Variants in DGAT2 observed in about 807,000 individuals in gnomAD.
DGAT2 encodes the protein diacylglycerol O-acyltransferase 2.
A neutral mutation model predicts 48.4 loss-of-function variants in DGAT2; 33 were observed. That is an observed-to-expected ratio of 0.68 (90% confidence interval 0.52 to 0.91). The LOEUF is 0.91. DGAT2 is among the 40% of genes least tolerant of loss of function. DGAT2 has a pLI of 0.00. For synonymous variants in DGAT2, 191 were observed against 194.1 expected (o/e 0.98, Z 0.13); for missense variants, 446 against 493.7 (o/e 0.90, Z 0.92).
rs149770132 is a variant in DGAT2, at chr11:75,797,346, TAC to T, written c.809+27_809+28del. 2,573 of 1,389,616 alleles carry T rather than the reference TAC, an allele frequency of 1.9e-3. No individual in the cohort carries two copies. The highest frequency in any genetic ancestry group is 5.9e-3 in the South Asian group (383 of 64,852). 86.1% of individuals were successfully genotyped at this position (1,389,616 alleles called of 1,614,324 possible). ...CCTGCGTCATGGGTGAGTGCCTCCC[TAC>T]ACACACACACACCCCTCCAGTGCCC... On this transcript the variant is annotated intron_variant, in intron 6 of 7. Coordinates refer to ENST00000228027, the MANE Select transcript of DGAT2 (RefSeq NM_032564.5).
At chr11:75,769,806 C>T (rs551548696) in intron 1 of DGAT2, among the ~76,000 whole-genome samples, 4 of 152,132 alleles carry the variant, frequency 2.6e-5, no homozygotes, top group African/African-American at 9.6e-5. Flanking sequence ...TTAGCTGATG[C>T]CTTGACCCCT....
At position 75,790,237 on chromosome 11, in the gene DGAT2, G is replaced by T; in HGVS notation, c.300G>T (p.Trp100Cys). ...TGTACATATTCTGCACTGATTGCTG[G>T]CTCATCGCTGTGCTCTACTTCACTT... ...ILMYIFCTDC[W>C]LIAVLYFTWL... The change falls in exon 3 of 8, where the codon TGG becomes TGT. Residue 100 changes from tryptophan to cysteine, a missense_variant. Coordinates refer to ENST00000228027, the MANE Select transcript of DGAT2 (RefSeq NM_032564.5). The T allele has an allele frequency of 1.2e-6, 2 of 1,614,148 alleles. No individual in the cohort carries two copies. Among genetic ancestry groups the T allele is most frequent in the Non-Finnish European group, 1.7e-6 (2 of 1,180,032 alleles).
rs539976120 is a variant in DGAT2, at chr11:75,768,838, G to C, written c.-154G>C. ...TTCTCTCGCGCCACCACTGGCCGCC[G>C]GCCGCAGCTCCAGGTGTCCTAGCCG... On this transcript the variant is annotated 5_prime_UTR_variant, in exon 1 of 8. Coordinates refer to ENST00000228027, the MANE Select transcript of DGAT2 (RefSeq NM_032564.5). 12 of 1,011,048 alleles carry C rather than the reference G, an allele frequency of 1.2e-5. No individual in the cohort carries two copies. In the East Asian group the frequency reaches 3.6e-4, roughly 30 times the overall value. The allele number at this position is 1,011,048 out of a possible 1,614,324, so 62.6% of individuals were successfully genotyped here.
intron 1 of DGAT2, among the ~76,000 whole-genome samples, chr11:75,775,054 A>G (rs1944791752): frequency 6.6e-6 from 1 of 152,192 alleles, no homozygotes; most frequent in South Asian, 2.1e-4. Flanking sequence ...GAATACACAA[A>G]AACCCAGGTG....
chr11:75,798,303 G>A lies in DGAT2; in HGVS notation c.886G>A (p.Gly296Ser). The A allele has an allele frequency of 6.2e-7, 1 of 1,614,192 alleles. No individual in the cohort carries two copies. The highest frequency in any genetic ancestry group is 8.5e-7 in the Non-Finnish European group (1 of 1,180,032). The change falls in exon 7 of 8, where the codon GGC (glycine) becomes AGC (serine). Residue 296 changes from glycine to serine, a missense_variant. By Grantham distance (56) the Gly-to-Ser change is moderately conservative. Coordinates refer to ENST00000228027, the MANE Select transcript of DGAT2 (RefSeq NM_032564.5). ...GGTGATCTTCGAGGAGGGCTCCTGGGGCCGATGGGTCCAGAAGAAGTTCCA... is the reference window on the plus strand; with the variant it reads ...GGTGATCTTCGAGGAGGGCTCCTGGAGCCGATGGGTCCAGAAGAAGTTCCA... ...KQVIFEEGSW[G>S]RWVQKKFQKY...
At chr11:75,785,063 CA>C (rs994112638) in intron 2 of DGAT2, among the ~76,000 whole-genome samples, 19 of 152,158 alleles carry the variant, frequency 1.2e-4, no homozygotes, top group African/African-American at 4.6e-4. Context: ...ACAGGACCCC[CA>C]AAGCCTGTGC....
intron 1 of DGAT2, among the ~76,000 whole-genome samples, chr11:75,772,364 C>T (rs1368467969): frequency 1.3e-5 from 2 of 152,226 alleles, no homozygotes; most frequent in African/African-American, 4.8e-5. Context: ...ACAGCCTCCA[C>T]TGCCATCACG....
At chr11:75,781,634 G>A (rs945364669) in intron 1 of DGAT2, among the ~76,000 whole-genome samples, 5 of 152,234 alleles carry the variant, frequency 3.3e-5, no homozygotes, top group African/African-American at 4.8e-5. Flanking sequence ...CAGGCAGATG[G>A]GAAGTGAGGG....
chr11:75,776,905 TA>T (rs1565313848), intron 1 of DGAT2: 1 of 152,280 alleles, frequency 6.6e-6, no homozygotes, highest in Non-Finnish European at 1.5e-5. Flanking sequence ...AAGAGCCTGC[TA>T]GGGGTCAATA....
intron 7 of DGAT2, among the ~76,000 whole-genome samples, chr11:75,799,857 A>G (rs528904911): frequency 5.3e-5 from 8 of 152,074 alleles, no homozygotes; most frequent in Non-Finnish European, 1.0e-4. Flanking sequence ...AGCTCAAGCA[A>G]TCTGCGGGTC....
chr11:75,784,766 G>C lies in DGAT2; in HGVS notation c.250+20G>C. 1 of 1,613,784 alleles carries C rather than the reference G, an allele frequency of 6.2e-7. No homozygotes were observed. Among genetic ancestry groups the C allele is most frequent in the Non-Finnish European group, 8.5e-7 (1 of 1,179,784 alleles). ...TACTGGGTAAGCTGGGCCTTAGAGG[G>C]AGGGCAGGTGGGCAGGCAGTGTCCA... On this transcript the variant is annotated intron_variant, in intron 2 of 7. Transcript: ENST00000228027.
chr11:75,782,854 C>T (rs1205666741), intron 1 of DGAT2, among the ~76,000 whole-genome samples: 2 of 152,202 alleles, frequency 1.3e-5, no homozygotes, highest in South Asian at 2.1e-4. Context: ...CTGGCTCTGC[C>T]GCCTACTGCC....
At chr11:75,783,174 C>CCCTGCAA (rs1944886128) in intron 1 of DGAT2, among the ~76,000 whole-genome samples, 1 of 152,204 alleles carries the variant, frequency 6.6e-6, no homozygotes, top group Non-Finnish European at 1.5e-5. Flanking sequence ...AATTTGTGCA[C>CCCTGCAA]TGAGGATGTG....
chr11:75,791,804 C>T (rs1944993084), intron 4 of DGAT2, among the ~76,000 whole-genome samples: 1 of 152,178 alleles, frequency 6.6e-6, no homozygotes, highest in Admixed American at 6.5e-5. Flanking sequence ...GCTCCCTGTC[C>T]AGTGCAGGGC....
chr11:75,797,184 A>G lies in DGAT2; in HGVS notation c.661A>G (p.Ile221Val), dbSNP rs527280955. 1.4e-5 allele frequency: 22 copies of G among 1,540,374 alleles called. 1 individual carries two copies. The South Asian group carries it at 1.7e-4, about 12-fold the overall frequency. ...TATCTGCCCTGTCAGCCGGGACACCATAGACTATTTGCTTTCAAAGAATGG... is the reference window on the plus strand; with the variant it reads ...TATCTGCCCTGTCAGCCGGGACACCGTAGACTATTTGCTTTCAAAGAATGG... ...GGICPVSRDT[I>V]DYLLSKNGSG... is the part of the protein sequence containing the mutation. The change falls in exon 6 of 8, where the codon ATA (isoleucine) becomes GTA (valine). Residue 221 changes from isoleucine to valine, a missense_variant. Transcript: ENST00000228027.
At chr11:75,797,818 G>A (rs561758230) in intron 6 of DGAT2, among the ~76,000 whole-genome samples, 8 of 152,304 alleles carry the variant, frequency 5.3e-5, no homozygotes, top group South Asian at 2.1e-4. Context: ...CACCAAGGGT[G>A]GGGGAGGGTA....
chr11:75,794,502 T>C (rs1945026721), intron 4 of DGAT2: 1 of 152,224 alleles, frequency 6.6e-6, no homozygotes, highest in Non-Finnish European at 1.5e-5. Flanking sequence ...AGAAGTTTGT[T>C]TCACAAAAGC....
chr11:75,787,664 C>A (rs1176893594), intron 2 of DGAT2, among the ~76,000 whole-genome samples: 1 of 152,144 alleles, frequency 6.6e-6, no homozygotes, highest in Non-Finnish European at 1.5e-5. Flanking sequence ...GTTCAGAGGA[C>A]AAGGATTAGG....
chr11:75,781,684 G>A (rs546234469), intron 1 of DGAT2, among the ~76,000 whole-genome samples: 2 of 152,300 alleles, frequency 1.3e-5, no homozygotes, highest in South Asian at 2.1e-4. Flanking sequence ...TTGGCAGAGC[G>A]AGCTGTGGGC....
Sources: gnomAD v4.1 joint callset for allele counts (sites outside exome capture counted in the v4.1 genomes callset) on GRCh38, gnomAD v4.1.1 for gene constraint, MANE v1.5 for transcripts, NCBI Gene and HGNC (gene_info 2026-07-23, HGNC 2026-07-21) for gene names.